Variants in GABRR3 observed in about 807,000 individuals in gnomAD.
GABRR3 encodes the protein gamma-aminobutyric acid type A receptor subunit rho3, also known as gamma-aminobutyric acid receptor subunit rho-3.
In GABRR3, 29 loss-of-function variants were observed where a neutral mutation model predicts 43.2. The observed-to-expected ratio is 0.67, with a 90% CI of 0.50 to 0.92. The LOEUF (loss-of-function observed/expected upper bound fraction) is 0.92. Among genes scored for constraint, GABRR3 ranks in the 40% least tolerant of loss-of-function variants. The pLI, the probability that GABRR3 is intolerant of heterozygous loss-of-function variation, is 0.00. For missense variants in GABRR3, 576 were observed against 572.3 expected (o/e 1.01, Z -0.07); for synonymous variants, 206 against 195.9 (o/e 1.05, Z -0.43).
chr3:98,003,218 G>A (rs1446816838), intron 7 of GABRR3, among the ~76,000 whole-genome samples: 3 of 152,034 alleles, frequency 2.0e-5, no homozygotes, highest in African/African-American at 4.8e-5. Context: ...AGTGATGGCT[G>A]TAGAGTACAA....
intron 7 of GABRR3, among the ~76,000 whole-genome samples, chr3:98,005,340 C>T (rs1706712148): frequency 6.6e-6 from 1 of 151,828 alleles, no homozygotes; most frequent in African/African-American, 2.4e-5. Flanking sequence ...TATATTCTTC[C>T]GTAACTTGCT....
chr3:98,013,355 T>C (rs1706832180), intron 4 of GABRR3, among the ~76,000 whole-genome samples: 1 of 152,238 alleles, frequency 6.6e-6, no homozygotes, highest in South Asian at 2.1e-4. Context: ...GTTTATTTAG[T>C]TAATAATTTG....
At chr3:98,016,377 C>G (rs541577184) in intron 4 of GABRR3, among the ~76,000 whole-genome samples, 3 of 152,240 alleles carry the variant, frequency 2.0e-5, no homozygotes, top group South Asian at 4.2e-4. Context: ...TCCCCCACCC[C>G]CCATTCCTCC....
At chr3:98,023,664 TAAAGAA>T (rs1401214698) in intron 3 of GABRR3, among the ~76,000 whole-genome samples, 2 of 123,444 alleles carry the variant, frequency 1.6e-5, no homozygotes, top group African/African-American at 6.0e-5. Flanking sequence ...TAAAAAAAGA[TAAAGAA>T]ATAGTCTCAG....
chr3:98,015,035 CAT>C (rs1469246529), intron 4 of GABRR3, among the ~76,000 whole-genome samples: 1 of 152,088 alleles, frequency 6.6e-6, no homozygotes, highest in Non-Finnish European at 1.5e-5. Flanking sequence ...TAAGAACACA[CAT>C]GTAAAATATT....
At chr3:98,004,551 A>G (rs1423744360) in intron 7 of GABRR3, among the ~76,000 whole-genome samples, 2 of 151,858 alleles carry the variant, frequency 1.3e-5, no homozygotes, top group Non-Finnish European at 2.9e-5. Flanking sequence ...TTTTCTTTGT[A>G]AATTTATAGT....
intron 6 of GABRR3, 136 bp from the exon 7 acceptor site, chr3:98,008,040 T>C (rs575411858): frequency 1.0e-5 from 7 of 684,314 alleles, no homozygotes; most frequent in Non-Finnish European, 1.6e-5. Flanking sequence ...GATAAAAATA[T>C]GTTTGCCAAT....
intron 9 of GABRR3, among the ~76,000 whole-genome samples, chr3:97,991,953 A>G (rs1262376310): frequency 6.6e-6 from 1 of 152,168 alleles, no homozygotes; most frequent in Non-Finnish European, 1.5e-5. Flanking sequence ...TACTATATGC[A>G]CATATGTATG....
chr3:97,998,756 A>G (rs1188675780), intron 8 of GABRR3: 1 of 152,150 alleles, frequency 6.6e-6, no homozygotes, highest in Non-Finnish European at 1.5e-5. Context: ...GACATTAAAT[A>G]TTTGCAAAAA....
chr3:97,997,581 T>G (rs568738814), intron 8 of GABRR3: 61 of 152,340 alleles, frequency 4.0e-4, no homozygotes, highest in African/African-American at 1.4e-3. Flanking sequence ...TAACAACAGT[T>G]GCACAGGCAT....
At position 98,033,485 on chromosome 3, in the gene GABRR3, A is replaced by G. The variant is rs116307833; in HGVS notation, c.125+1378T>C. 8.2e-3 allele frequency among the ~76,000 whole-genome samples: 1,245 copies of G among 152,232 alleles called. 11 individuals are homozygous for G. The highest frequency in any genetic ancestry group is 0.026 in the African/African-American group (1,090 of 41,534). The stretch of plus-strand genomic sequence containing the variant: ...TCTTTAAATGTCACCTAAAAAATAT[A>G]CATGGTAGATTTTTTCTGTAGCAAC... On this transcript the variant is annotated intron_variant, in intron 2 of 9. Transcript: ENST00000621172.
exon 5 of GABRR3, chr3:98,012,451 C>T: frequency 6.2e-7 from 1 of 1,613,870 alleles, no homozygotes; most frequent in Non-Finnish European, 8.5e-7. Flanking sequence ...AGATATCAGG[C>T]ACCCAGATCT....
intron 3 of GABRR3, 65 bp from the exon 4 acceptor site, chr3:98,017,787 A>G: frequency 1.7e-6 from 2 of 1,156,458 alleles, no homozygotes; most frequent in Non-Finnish European, 2.5e-6. Flanking sequence ...ACCATTTAAA[A>G]CAGAGAGATT....
At chr3:98,014,646 GAA>G (rs1299585423) in intron 4 of GABRR3, among the ~76,000 whole-genome samples, 32 of 152,310 alleles carry the variant, frequency 2.1e-4, no homozygotes, top group Admixed American at 2.0e-3. Context: ...ACCATTAGCT[GAA>G]GAGTTTACAG....
chr3:97,998,737 A>G (rs1474536197), intron 8 of GABRR3: 1 of 152,170 alleles, frequency 6.6e-6, no homozygotes, highest in African/African-American at 2.4e-5. Context: ...GCTGCCCTCT[A>G]TAAAGGTAGA....
chr3:97,991,972 T>A (rs570817479), intron 9 of GABRR3, among the ~76,000 whole-genome samples: 4 of 152,312 alleles, frequency 2.6e-5, no homozygotes, highest in African/African-American at 9.6e-5. Flanking sequence ...TGTGTGCGTA[T>A]GTGTGTTTAT....
At chr3:98,002,948 C>T (rs925607407) in intron 7 of GABRR3, among the ~76,000 whole-genome samples, 1 of 152,134 alleles carries the variant, frequency 6.6e-6, no homozygotes, top group Non-Finnish European at 1.5e-5. Context: ...CCAACCCACA[C>T]TGAACTGGCA....
intron 3 of GABRR3, among the ~76,000 whole-genome samples, chr3:98,019,622 G>A (rs530435991): frequency 1.3e-5 from 2 of 151,752 alleles, no homozygotes; most frequent in South Asian, 2.1e-4. Context: ...GTTTCACTCC[G>A]TCGCCCAGGC....
At chr3:98,026,615 T>A (rs1707021635) in intron 2 of GABRR3, among the ~76,000 whole-genome samples, 1 of 149,634 alleles carries the variant, frequency 6.7e-6, no homozygotes, top group African/African-American at 2.5e-5. Flanking sequence ...ATCATCATCA[T>A]CATCATCATC....
Sources: gnomAD v4.1 joint callset for allele counts (sites outside exome capture counted in the v4.1 genomes callset) on GRCh38, gnomAD v4.1.1 for gene constraint, MANE v1.5 for transcripts, NCBI Gene and HGNC (gene_info 2026-07-23, HGNC 2026-07-21) for gene names.